Variants in TIMP2 observed in about 807,000 individuals in gnomAD.
The protein encoded by TIMP2 is metalloproteinase inhibitor 2.
Under a neutral mutation model 24.3 loss-of-function variants are expected in TIMP2, and 5 were observed. The observed-to-expected ratio is 0.21, with a 90% CI of 0.11 to 0.43. TIMP2 has a LOEUF of 0.43. Ranked by LOEUF, TIMP2 falls within the 20% of genes least tolerant of loss-of-function variation. TIMP2 has a pLI of 1.00. For synonymous variants in TIMP2, 130 were observed against 123.2 expected, an observed-to-expected ratio of 1.06 and a Z score of -0.37; for missense variants, 221 against 297.5, an observed-to-expected ratio of 0.74 and a Z score of 1.89.
At chr17:78,880,003 C>A (rs879845740) in intron 1 of TIMP2, among the ~76,000 whole-genome samples, 2 of 152,048 alleles carry the variant, frequency 1.3e-5, no homozygotes, top group Non-Finnish European at 2.9e-5. Flanking sequence ...CAGTCACAAC[C>A]GCCCCTGGAA....
At chr17:78,864,390 T>TCCCCC (rs1437217103) in intron 3 of TIMP2, among the ~76,000 whole-genome samples, 1 of 145,120 alleles carries the variant, frequency 6.9e-6, no homozygotes, top group Non-Finnish European at 1.5e-5. Context: ...CCTCCCTCCC[T>TCCCCC]TCCTTCCTTC....
intron 1 of TIMP2, chr17:78,897,106 C>A: frequency 1.8e-6 from 1 of 555,884 alleles, no homozygotes; most frequent in Admixed American, 6.3e-5. Flanking sequence ...CCCCCCCGCC[C>A]CCCGCCGGCC....
At chr17:78,899,564 C>G (rs1229644078) in intron 1 of TIMP2, 4 of 152,288 alleles carry the variant, frequency 2.6e-5, no homozygotes, top group African/African-American at 9.6e-5. Flanking sequence ...CAAAGCCTGG[C>G]AATCTCTGGG....
intron 1 of TIMP2, among the ~76,000 whole-genome samples, chr17:78,875,527 G>T (rs1254321256): frequency 6.6e-6 from 1 of 152,106 alleles, no homozygotes; most frequent in East Asian, 1.9e-4. Context: ...GGCAGGGTTG[G>T]GTAGAGCCCT....
chr17:78,871,827 C>A, intron 2 of TIMP2, among the ~76,000 whole-genome samples: 1 of 145,346 alleles, frequency 6.9e-6, no homozygotes, highest in Admixed American at 6.9e-5. Context: ...GCCTGGGAGA[C>A]AGCAAGACTC....
chr17:78,868,650 A>G (rs1395665830), intron 3 of TIMP2, among the ~76,000 whole-genome samples: 2 of 152,142 alleles, frequency 1.3e-5, no homozygotes, highest in East Asian at 3.9e-4. Context: ...GCCATGCTAG[A>G]CTGCGGCTGC....
At chr17:78,879,487 T>C (rs2069759416) in intron 1 of TIMP2, among the ~76,000 whole-genome samples, 1 of 152,332 alleles carries the variant, frequency 6.6e-6, no homozygotes, top group East Asian at 1.9e-4. Context: ...TACTGGGTGC[T>C]GGGCCTGGTG....
chr17:78,874,050 C>A, intron 1 of TIMP2, 131 bp from the exon 2 acceptor site: 1 of 719,140 alleles, frequency 1.4e-6, no homozygotes, highest in East Asian at 2.8e-5. Context: ...GCGAGACGGG[C>A]AAGGGGCATG....
intron 1 of TIMP2, among the ~76,000 whole-genome samples, chr17:78,893,225 G>T (rs2069935217): frequency 6.7e-6 from 1 of 148,240 alleles, no homozygotes; most frequent in Admixed American, 6.7e-5. Context: ...GTGTGCAGGG[G>T]TGTGTGTGCA....
At chr17:78,909,689 G>A (rs979245741) in intron 1 of TIMP2, among the ~76,000 whole-genome samples, 1 of 152,108 alleles carries the variant, frequency 6.6e-6, no homozygotes, top group African/African-American at 2.4e-5. Flanking sequence ...CGTAAGGCTC[G>A]GGTCTCATCG....
intron 1 of TIMP2, among the ~76,000 whole-genome samples, chr17:78,876,526 A>AT (rs2069729494): frequency 1.3e-5 from 2 of 150,976 alleles, no homozygotes; most frequent in African/African-American, 2.4e-5. Context: ...TACCATATAT[A>AT]TTTTTTTGAG....
At chr17:78,907,664 G>T (rs975093997) in intron 1 of TIMP2, among the ~76,000 whole-genome samples, 2 of 152,272 alleles carry the variant, frequency 1.3e-5, no homozygotes, top group Non-Finnish European at 2.9e-5. Context: ...GAAAAAAATG[G>T]CACCGATAGA....
At chr17:78,862,010 C>G (rs2069571260) in intron 3 of TIMP2, among the ~76,000 whole-genome samples, 1 of 152,146 alleles carries the variant, frequency 6.6e-6, no homozygotes, top group Admixed American at 6.5e-5. Flanking sequence ...CTACTTATGT[C>G]TGTCTCCGAG....
At chr17:78,885,956 G>C (rs1425637831) in intron 1 of TIMP2, among the ~76,000 whole-genome samples, 1 of 152,224 alleles carries the variant, frequency 6.6e-6, no homozygotes, top group Admixed American at 6.5e-5. Context: ...GGCACTGCCA[G>C]GCCCTGGGAT....
intron 1 of TIMP2, among the ~76,000 whole-genome samples, chr17:78,906,614 G>A (rs968049736): frequency 5.9e-5 from 9 of 151,592 alleles, no homozygotes; most frequent in East Asian, 1.9e-4. Flanking sequence ...ACAGAGTCTC[G>A]CTCTGTTGCC....
intron 1 of TIMP2, chr17:78,901,663 G>C (rs1020224146): frequency 4.6e-5 from 33 of 710,588 alleles, no homozygotes; most frequent in Middle Eastern, 2.9e-4. Context: ...CTTCACTCTG[G>C]GTGCCTCAGT....
At chr17:78,900,581 T>C (rs2070075617) in intron 1 of TIMP2, among the ~76,000 whole-genome samples, 1 of 151,426 alleles carries the variant, frequency 6.6e-6, no homozygotes, top group African/African-American at 2.4e-5. Context: ...ATAAAGTAAG[T>C]AGAGTCCGAG....
chr17:78,900,245 T>C (rs901678535), intron 1 of TIMP2: 1 of 152,182 alleles, frequency 6.6e-6, no homozygotes, highest in Non-Finnish European at 1.5e-5. Context: ...AACAAGCTTA[T>C]TAAAATTGTG....
intron 1 of TIMP2, among the ~76,000 whole-genome samples, chr17:78,908,933 G>A (rs2145790828): frequency 6.6e-6 from 1 of 152,278 alleles, no homozygotes; most frequent in African/African-American, 2.4e-5. Flanking sequence ...GCTGGTCCTT[G>A]GCTTCTGGGG....
Sources: allele counts gnomAD v4.1 joint callset (sites outside exome capture counted in the v4.1 genomes callset), GRCh38; gene constraint gnomAD v4.1.1; transcripts MANE v1.5; gene names NCBI Gene and HGNC (gene_info 2026-07-23, HGNC 2026-07-21).